Variants in ADAMTS10 observed in about 807,000 individuals in gnomAD.
ADAMTS10 encodes the protein A disintegrin and metalloproteinase with thrombospondin motifs 10.
A neutral mutation model predicts 135.9 loss-of-function variants in ADAMTS10; 48 were observed. The ratio of observed to expected loss-of-function variants is 0.35; its 90% CI spans 0.28 to 0.45. The LOEUF (loss-of-function observed/expected upper bound fraction) is 0.45. ADAMTS10 is among the 20% of genes least tolerant of loss of function. The pLI, the probability that ADAMTS10 is intolerant of heterozygous loss-of-function variation, is 1.00. For missense variants in ADAMTS10, 1,131 were observed against 1,565.2 expected, an observed-to-expected ratio of 0.72 and a Z score of 4.68; for synonymous variants, 621 against 647.5, an observed-to-expected ratio of 0.96 and a Z score of 0.62.
At chr19:8,593,332 G>C (rs1555739595) in intron 12 of ADAMTS10, 1 of 169,916 alleles carries the variant, frequency 5.9e-6, no homozygotes, top group African/African-American at 2.4e-5. Context: ...TTATGGGATG[G>C]GCAAAGTAGC....
Position 8,593,579 on chromosome 19 carries a change from G to T in ADAMTS10, c.1480-709C>A, listed in dbSNP as rs555423811. On this transcript the variant is annotated intron_variant, in intron 12 of 25. Coordinates refer to ENST00000597188, the MANE Select transcript of ADAMTS10 (RefSeq NM_030957.4). ...GAAAAATCAGCCCCACCTTCTTCCC[G>T]TCTGAATCCTGGATGGGCTGAACTA... 3.3e-5 allele frequency: 5 copies of T among 152,534 alleles called. No individual in the cohort carries two copies. In the East Asian group the frequency reaches 5.8e-4, roughly 18 times the overall value. The allele number at this position is 152,534 out of a possible 1,614,324, so 9.4% of individuals were successfully genotyped here.
chr19:8,603,265 T>C (rs2042685620), intron 5 of ADAMTS10, among the ~76,000 whole-genome samples: 1 of 152,178 alleles, frequency 6.6e-6, no homozygotes, highest in African/African-American at 2.4e-5. Context: ...TGCTGTCCCC[T>C]GGATAGAACT....
intron 25 of ADAMTS10, among the ~76,000 whole-genome samples, chr19:8,583,819 T>C (rs35899557): frequency 0.18 from 27,575 of 151,710 alleles, 2,723 homozygotes; most frequent in Middle Eastern, 0.23. Flanking sequence ...ATCGCTCTAC[T>C]GCACTCCAAC....
Position 8,587,612 on chromosome 19 carries a change from G to A in ADAMTS10, c.2159-716C>T, listed in dbSNP as rs577646333. Among the ~76,000 whole-genome samples the A allele has an allele frequency of 2.0e-5, 3 of 151,796 alleles. No individual in the cohort carries two copies. The East Asian group carries it at 5.9e-4, about 30-fold the overall frequency. ...GCCTCTCGAGCAGCTGGAACTACAGGTGTACACCACCACACCCGCCTAATT... is the reference window on the plus strand; with the variant it reads ...GCCTCTCGAGCAGCTGGAACTACAGATGTACACCACCACACCCGCCTAATT... On this transcript the variant is annotated intron_variant, in intron 18 of 25. Coordinates refer to ENST00000597188, the MANE Select transcript of ADAMTS10 (RefSeq NM_030957.4).
At chr19:8,583,080 G>A (rs370439390) in intron 25 of ADAMTS10, among the ~76,000 whole-genome samples, 2 of 151,548 alleles carry the variant, frequency 1.3e-5, no homozygotes, top group South Asian at 2.1e-4. Context: ...CACCTCGCCC[G>A]GCCTGGGTGG....
chr19:8,595,725 C>T (rs782223319), intron 12 of ADAMTS10, 37 bp downstream of exon 12: 4 of 1,591,300 alleles, frequency 2.5e-6, no homozygotes, highest in Middle Eastern at 1.7e-4. Flanking sequence ...GCGGCCCCCT[C>T]CCCTCCCAGG....
intron 1 of ADAMTS10, among the ~76,000 whole-genome samples, chr19:8,609,567 G>A (rs1555743153): frequency 6.6e-6 from 1 of 152,100 alleles, no homozygotes; most frequent in Non-Finnish European, 1.5e-5. Context: ...CATCTGGCCG[G>A]GCCGGCAGGA....
In ADAMTS10 at chr19:8,585,538, C is replaced by A; in HGVS notation, c.2783G>T (p.Cys928Phe). ...AEEKALDDSA[C>F]PQPRPPVLEA... is the part of the protein sequence containing the mutation. ...CAGTACAGGTGGGCGCGGCTGCGGG[C>A]ATGCGCTGTCGTCCAGCGCCTTCTC... Residue 928 changes from cysteine (C) to phenylalanine (F), a missense_variant, in exon 23 of 26, where the codon TGC becomes TTC. By Grantham distance (205) the Cys-to-Phe change is radical. This residue lies in a region of ADAMTS10 where 745 missense variants were observed against 1,056.3 expected (regional missense o/e 0.71). Transcript: ENST00000597188. The A allele has an allele frequency of 6.3e-7, 1 of 1,576,018 alleles. No individual in the cohort carries two copies. Among genetic ancestry groups the A allele is most frequent in the Non-Finnish European group, 8.6e-7 (1 of 1,161,860 alleles).
intron 23 of ADAMTS10, 23 bp from the exon 24 acceptor site, chr19:8,585,331 G>T (rs2146039375): frequency 1.3e-6 from 2 of 1,532,582 alleles, no homozygotes; most frequent in Admixed American, 2.0e-5. Context: ...GGGGCGTTTC[G>T]TGCTCAGGGT....
In ADAMTS10 at chr19:8,586,333, C is replaced by G. The variant is rs781821428; in HGVS notation, c.2530+11G>C. 7.4e-6 allele frequency: 12 copies of G among 1,613,428 alleles called. No homozygotes were observed. The African/African-American group carries it at 9.3e-5, about 13-fold the overall frequency. ...CAGGTATCTTGTGCCTTCCCCCACC[C>G]CCGGCCTCACCGCCTGCACACTGGG... is the stretch of plus-strand genomic sequence containing the variant. On this transcript the variant is annotated intron_variant, in intron 21 of 25. Coordinates refer to ENST00000597188, the MANE Select transcript of ADAMTS10 (RefSeq NM_030957.4).
At chr19:8,584,810 A>T (rs996356808) in intron 25 of ADAMTS10, 85 bp downstream of exon 25, 1 of 1,515,256 alleles carries the variant, frequency 6.6e-7, no homozygotes, top group African/African-American at 1.4e-5. Context: ...CAGAAGTTCT[A>T]GGATGAAGTC....
chr19:8,591,747 G>A (rs2146063789), intron 15 of ADAMTS10, 53 bp downstream of exon 15: 1 of 1,605,092 alleles, frequency 6.2e-7, no homozygotes, highest in Middle Eastern at 1.7e-4. Flanking sequence ...GCCTCTGATA[G>A]CTGTTTTTAA....
At position 8,585,149 on chromosome 19, in the gene ADAMTS10, C is replaced by T; in HGVS notation, c.3025G>A (p.Ala1009Thr). 4 of 1,412,104 alleles carry T rather than the reference C, an allele frequency of 2.8e-6. No individual in the cohort carries two copies. Among genetic ancestry groups the T allele is most frequent in the Non-Finnish European group, 3.7e-6 (4 of 1,088,604 alleles). The allele number at this position is 1,412,104 out of a possible 1,614,324, so 87.5% of individuals were successfully genotyped here. ...LRRCPPARWVAGEWGECSAQC... is the reference protein window; with the variant it reads ...LRRCPPARWVTGEWGECSAQC... ...CCTCCTACCTCACCCCACTCGCCAG[C>T]CACCCAGCGGGCCGGGGGGCAGCGG... Residue 1009 changes from alanine to threonine, a missense_variant, in exon 24 of 26, where the codon GCT becomes ACT. This residue lies in a region of ADAMTS10 where 745 missense variants were observed against 1,056.3 expected (regional missense o/e 0.71). Coordinates refer to ENST00000597188, the MANE Select transcript of ADAMTS10 (RefSeq NM_030957.4).
chr19:8,581,955 C>A (rs1555735975), intron 25 of ADAMTS10, among the ~76,000 whole-genome samples: 1 of 151,454 alleles, frequency 6.6e-6, no homozygotes, highest in African/African-American at 2.4e-5. Context: ...CGCTTGAGCC[C>A]AGGAGGTGGA....
Position 8,596,446 on chromosome 19 carries a change from A to G in ADAMTS10, c.1085-34T>C, listed in dbSNP as rs782455460. ...ACGGACATGTGGGGATGGGGCTGGGAGGCTCAGGACGGTGCTGGCTGGCCC... is the reference window on the plus strand; with the variant it reads ...ACGGACATGTGGGGATGGGGCTGGGGGGCTCAGGACGGTGCTGGCTGGCCC... On this transcript the variant is annotated intron_variant, in intron 9 of 25. Coordinates refer to ENST00000597188, the MANE Select transcript of ADAMTS10 (RefSeq NM_030957.4). This position sits in a 1 kb window ranked among gnomAD's most constrained non-coding sequence, Gnocchi z 7.2. 1 of 1,613,512 alleles carries G rather than the reference A, an allele frequency of 6.2e-7. No homozygotes were observed. The highest frequency in any genetic ancestry group is 2.2e-5 in the East Asian group (1 of 44,852).
intron 22 of ADAMTS10, 21 bp downstream of exon 22, chr19:8,586,101 C>T: frequency 6.2e-7 from 1 of 1,612,458 alleles, no homozygotes; most frequent in Non-Finnish European, 8.5e-7. Flanking sequence ...CTGAGCAACA[C>T]TGCCCCCTGG....
intron 5 of ADAMTS10, among the ~76,000 whole-genome samples, chr19:8,602,572 C>T (rs961119627): frequency 3.9e-5 from 6 of 152,112 alleles, no homozygotes; most frequent in African/African-American, 1.4e-4. Context: ...CTGCCCATCT[C>T]GGCCTCCCAA....
At chr19:8,603,587 T>C in intron 5 of ADAMTS10, 141 bp downstream of exon 5, 1 of 1,333,294 alleles carries the variant, frequency 7.5e-7, no homozygotes. Flanking sequence ...ACTCCATAAT[T>C]ATATCACTGT....
chr19:8,598,766 G>T (rs2042632616), intron 6 of ADAMTS10, among the ~76,000 whole-genome samples: 1 of 151,680 alleles, frequency 6.6e-6, no homozygotes, highest in Non-Finnish European at 1.5e-5. Flanking sequence ...GTAGGGACAG[G>T]ATTTCACCAT....
Sources: gnomAD v4.1 joint callset for allele counts (sites outside exome capture counted in the v4.1 genomes callset) on GRCh38, gnomAD v4.1.1 for gene constraint, gnomAD v4.1.1 regional missense constraint, Gnocchi (gnomAD v3.1) non-coding constraint, MANE v1.5 for transcripts, NCBI Gene and HGNC (gene_info 2026-07-23, HGNC 2026-07-21) for gene names.